Variants in WIZ observed in about 807,000 individuals in gnomAD.
WIZ encodes protein Wiz.
Under a neutral mutation model 140.2 loss-of-function variants are expected in WIZ, and 25 were observed. The ratio of observed to expected loss-of-function variants is 0.18; its 90% confidence interval spans 0.13 to 0.25. WIZ has a LOEUF of 0.25. Ranked by LOEUF, WIZ falls within the 10% of genes least tolerant of loss-of-function variation. The pLI, the probability that WIZ is intolerant of heterozygous loss-of-function variation, is 1.00. For synonymous variants in WIZ, 1,125 were observed against 1,154.3 expected (o/e 0.97, Z 0.51); for missense variants, 2,231 against 2,632.6 (o/e 0.85, Z 3.34).
chr19:15,439,162 C>G lies in WIZ; in HGVS notation c.1832G>C (p.Arg611Pro). ...CTCCTCCTCCTCTTCGCTCCAAGGGCGCCTCCGTTCCCCCAGCCCTTGTGG... is the reference window on the plus strand; with the variant it reads ...CTCCTCCTCCTCTTCGCTCCAAGGGGGCCTCCGTTCCCCCAGCCCTTGTGG... ...VHPQGLGERR[R>P]PWSEEEEEEE... The change falls in exon 4 of 13, where the codon CGC becomes CCC. Residue 611 changes from arginine to proline, a missense_variant. Physicochemically the swap from Arg to Pro is moderately radical, Grantham distance 103. This residue lies in a region of WIZ where 475 missense variants were observed against 520.2 expected (regional missense o/e 0.91). Coordinates refer to ENST00000673675, the MANE Select transcript of WIZ (RefSeq NM_001371589.1). This position sits in a 1 kb window ranked among gnomAD's most constrained non-coding sequence, Gnocchi z 7.0. 1 of 1,530,828 alleles carries G rather than the reference C, an allele frequency of 6.5e-7. No homozygotes were observed. The highest frequency in any genetic ancestry group is 8.7e-7 in the Non-Finnish European group (1 of 1,143,772). The allele number at this position is 1,530,828 out of a possible 1,614,324, so 94.8% of individuals were successfully genotyped here. A position where few individuals can be genotyped will look rare whatever the true frequency, so the allele number is the denominator to read the frequency against.
Position 15,420,012 on chromosome 19 carries a change from CTTTT to C in WIZ, c.*3060_*3063del, listed in dbSNP as rs1968311577. The C allele has an allele frequency of 6.6e-6, 1 of 152,004 alleles. No individual in the cohort carries two copies. The highest frequency in any genetic ancestry group is 2.4e-5 in the African/African-American group (1 of 41,398). The allele number at this position is 152,004 out of a possible 1,614,324, so 9.4% of individuals were successfully genotyped here. A position where few individuals can be genotyped will look rare whatever the true frequency, so the allele number is the denominator to read the frequency against. On this transcript the variant is annotated 3_prime_UTR_variant, in exon 13 of 13. Transcript: ENST00000673675. ...AAACTTTTTTTAAGGTATGCTGTTT[CTTTT>C]TGATATTGTTGATTTCTTTAGGTGT... is the stretch of plus-strand genomic sequence containing the variant.
rs908824857 is a variant in WIZ, at chr19:15,428,305, C to T, written c.3619G>A (p.Gly1207Ser). The change falls in exon 8 of 13, where the codon GGC becomes AGC. Residue 1207 changes from glycine (G) to serine (S), a missense_variant. By Grantham distance (56) the Gly-to-Ser change is moderately conservative. Transcript: ENST00000673675. The surrounding 1 kb of genome is among the most constrained non-coding windows in gnomAD (Gnocchi z 6.4). ...GGCCGCCCCGGGTGGGCCAGGGCGCCGCGCCTGGGTGGGAGGCGGATCTGG... is the reference window on the plus strand; with the variant it reads ...GGCCGCCCCGGGTGGGCCAGGGCGCTGCGCCTGGGTGGGAGGCGGATCTGG... Reference protein sequence around the residue: ...GVQIRLPPRRGALAHPGRPPP... With the variant: ...GVQIRLPPRRSALAHPGRPPP... 15 of 1,531,952 alleles carry T rather than the reference C, an allele frequency of 9.8e-6. No individual in the cohort carries two copies. Among genetic ancestry groups the T allele is most frequent in the Middle Eastern group, 1.8e-4 (1 of 5,440 alleles). The allele number at this position is 1,531,952 out of a possible 1,614,324, so 94.9% of individuals were successfully genotyped here.
intron 9 of WIZ, among the ~76,000 whole-genome samples, chr19:15,426,177 G>A (rs760084096): frequency 6.6e-6 from 1 of 151,984 alleles, no homozygotes; most frequent in Non-Finnish European, 1.5e-5. Flanking sequence ...GCAAAATGGA[G>A]ATGAAAACCC....
At chr19:15,425,132 G>A in intron 10 of WIZ, 100 bp from the exon 11 acceptor site, 1 of 1,520,186 alleles carries the variant, frequency 6.6e-7, no homozygotes, top group Non-Finnish European at 8.8e-7. Context: ...CTCCCACACA[G>A]ACCCAGCCAT....
chr19:15,447,980 C>G, intron 2 of WIZ, 123 bp downstream of exon 2: 1 of 1,143,534 alleles, frequency 8.7e-7, no homozygotes, highest in East Asian at 2.4e-5. Flanking sequence ...AAAGAAAAGG[C>G]TCTGGACCCA....
At position 15,424,132 on chromosome 19, in the gene WIZ, T is replaced by C. The variant is rs1319230712; in HGVS notation, c.5510+51A>G. ...CCCTATCCTGTTCCAAGGCTCCGGG[T>C]GACCAAGGTCCACTCAGGTGGTCTC... is the stretch of plus-strand genomic sequence containing the variant. On this transcript the variant is annotated intron_variant, in intron 12 of 12. Transcript: ENST00000673675. The surrounding 1 kb of genome is among the most constrained non-coding windows in gnomAD (Gnocchi z 9.7). 1 of 1,426,024 alleles carries C rather than the reference T, an allele frequency of 7.0e-7. No individual in the cohort carries two copies. The highest frequency in any genetic ancestry group is 1.5e-5 in the African/African-American group (1 of 67,678). The allele number at this position is 1,426,024 out of a possible 1,614,324, so 88.3% of individuals were successfully genotyped here. A position where few individuals can be genotyped will look rare whatever the true frequency, so the allele number is the denominator to read the frequency against.
chr19:15,442,184 CA>C lies in WIZ; in HGVS notation c.278+491del, dbSNP rs34791443. ...CCTGGGCGATAGAGTGAGACTTTCT[CA>C]AAAAAAAAAAAAAAAGATGACTATG... is the stretch of plus-strand genomic sequence containing the variant. On this transcript the variant is annotated intron_variant, in intron 3 of 12. Transcript: ENST00000673675. This position sits in a 1 kb window ranked among gnomAD's most constrained non-coding sequence, Gnocchi z 5.5. Among the ~76,000 whole-genome samples, 78,017 of 134,542 alleles carry C rather than the reference CA, an allele frequency of 0.58. 21,140 individuals are homozygous for C. Among genetic ancestry groups the C allele is most frequent in the African/African-American group, 0.65 (23,793 of 36,776 alleles). The allele number at this position is 134,542 out of a possible 152,430, so 88.3% of individuals were successfully genotyped here.
At chr19:15,438,548 C>A in intron 4 of WIZ, 30 bp downstream of exon 4, 1 of 1,473,754 alleles carries the variant, frequency 6.8e-7, no homozygotes, top group Non-Finnish European at 9.0e-7. Context: ...CCATGTGTCT[C>A]CTGGGCCTTT....
chr19:15,428,925 G>A lies in WIZ; in HGVS notation c.3416-417C>T, dbSNP rs1969038143. ...TCAAGGGAACATAAGGTGCCAAATG[G>A]GGGGCTCCATTGGGCAGGGGGTGAG... On this transcript the variant is annotated intron_variant, in intron 7 of 12. Coordinates refer to ENST00000673675, the MANE Select transcript of WIZ (RefSeq NM_001371589.1). The surrounding 1 kb of genome is among the most constrained non-coding windows in gnomAD (Gnocchi z 6.4). Among the ~76,000 whole-genome samples, 1 of 152,172 alleles carries A rather than the reference G, an allele frequency of 6.6e-6. No homozygotes were observed. The highest frequency in any genetic ancestry group is 6.5e-5 in the Admixed American group (1 of 15,282).
chr19:15,422,991 A>G lies in WIZ; in HGVS notation c.*85T>C. On this transcript the variant is annotated 3_prime_UTR_variant, in exon 13 of 13. Coordinates refer to ENST00000673675, the MANE Select transcript of WIZ (RefSeq NM_001371589.1). ...TTTGGCTTGCTCCTTTGGAAACGGA[A>G]AGAAAGAGGAAGAGGGACAAGGACA... The G allele has an allele frequency of 6.5e-7, 1 of 1,533,880 alleles. No homozygotes were observed. Among genetic ancestry groups the G allele is most frequent in the Non-Finnish European group, 8.8e-7 (1 of 1,140,928 alleles).
In WIZ at chr19:15,439,404, C is replaced by T. The variant is rs115463596; in HGVS notation, c.1590G>A (p.Pro530=). 1,382 of 1,527,726 alleles carry T rather than the reference C, an allele frequency of 9.0e-4. 13 individuals carry two copies. In the African/African-American group the frequency reaches 0.017, roughly 19 times the overall value. 94.6% of individuals were successfully genotyped at this position (1,527,726 alleles called of 1,614,324 possible). A position where few individuals can be genotyped will look rare whatever the true frequency, so the allele number is the denominator to read the frequency against. ...TAVDYFGKAE[P]SLAPMWRENP... is the part of the protein sequence containing the mutation. ...TCTCCCGCCACATGGGGGCCAAGGA[C>T]GGCTCAGCTTTGCCAAAGTAGTCCA... The change falls in exon 4 of 13, where the codon CCG becomes CCA. Residue 530 remains proline (P), a synonymous_variant. Coordinates refer to ENST00000673675, the MANE Select transcript of WIZ (RefSeq NM_001371589.1). The surrounding 1 kb of genome is among the most constrained non-coding windows in gnomAD (Gnocchi z 7.0).
chr19:15,438,703 A>C lies in WIZ; in HGVS notation c.2291T>G (p.Leu764Trp). The C allele has an allele frequency of 6.5e-7, 1 of 1,536,186 alleles. No individual in the cohort carries two copies. The highest frequency in any genetic ancestry group is 8.7e-7 in the Non-Finnish European group (1 of 1,146,898). Residue 764 changes from leucine (L) to tryptophan (W), a missense_variant, in exon 4 of 13, where the codon TTG becomes TGG. Transcript: ENST00000673675. ...CAGGTGGCCCCGGACGTGGTTGGCC[A>C]AGCCGATGCCGTTGTGGAAGCGATC... ...CPDRFHNGIG[L>W]ANHVRGHLNR...
chr19:15,432,035 T>C (rs762790350), intron 5 of WIZ, among the ~76,000 whole-genome samples: 1 of 152,012 alleles, frequency 6.6e-6, no homozygotes, highest in African/African-American at 2.4e-5. Flanking sequence ...CTATGCTCAG[T>C]TTGAGTCTCG....
At position 15,448,142 on chromosome 19, in the gene WIZ, C is replaced by T. The variant is rs766968187; in HGVS notation, c.166G>A (p.Gly56Ser). 1 of 1,612,852 alleles carries T rather than the reference C, an allele frequency of 6.2e-7. No individual in the cohort carries two copies. Among genetic ancestry groups the T allele is most frequent in the South Asian group, 1.1e-5 (1 of 91,052 alleles). ...STRYLPVTKE[G>S]PRDILDGRGG... ...CTGCCATCCAGAATGTCTCGGGGGC[C>T]CTCCTTGGTGACAGGCAGGTAACGG... The change falls in exon 2 of 13, where the codon GGC (glycine) becomes AGC (serine). Residue 56 changes from glycine to serine, a missense_variant. By Grantham distance (56) the Gly-to-Ser change is moderately conservative. Around this residue, in one of 15 missense-constraint regions of WIZ, gnomAD observed 85 missense variants for 90.9 expected, o/e 0.94. Coordinates refer to ENST00000673675, the MANE Select transcript of WIZ (RefSeq NM_001371589.1).
intron 4 of WIZ, 104 bp from the exon 5 acceptor site, chr19:15,437,233 G>A (rs994101845): frequency 9.6e-6 from 11 of 1,146,674 alleles, no homozygotes; most frequent in African/African-American, 8.1e-5. Context: ...TTTCTTCCCC[G>A]TGGCTGTCCC....
intron 4 of WIZ, 54 bp from the exon 5 acceptor site, chr19:15,437,183 C>G: frequency 1.4e-6 from 2 of 1,464,592 alleles, no homozygotes; most frequent in Non-Finnish European, 1.8e-6. Flanking sequence ...CTCCCCAGCC[C>G]CAACCCCTCC....
chr19:15,443,425 G>A (rs941427932), intron 2 of WIZ, among the ~76,000 whole-genome samples: 1 of 152,160 alleles, frequency 6.6e-6, no homozygotes, highest in African/African-American at 2.4e-5. Flanking sequence ...TCAGACCTCT[G>A]CTGGTCTCTC....
rs1248658935 is a variant in WIZ, at chr19:15,432,516, TGGTGGTGGCGGC to T, written c.2741-1346_2741-1335del. 5.5e-6 allele frequency: 3 copies of T among 540,888 alleles called. No individual in the cohort carries two copies. In the African/African-American group the frequency reaches 8.8e-5, roughly 16 times the overall value. The allele number at this position is 540,888 out of a possible 1,614,324, so 33.5% of individuals were successfully genotyped here. A position where few individuals can be genotyped will look rare whatever the true frequency, so the allele number is the denominator to read the frequency against. ...CCCGCGGCGGCGGTGGCGGTGGCGG[TGGTGGTGGCGGC>T]GGCGGCGGGGGTGGGGGCGGCGGCG... is the stretch of plus-strand genomic sequence containing the variant. On this transcript the variant is annotated intron_variant, in intron 5 of 12. Transcript: ENST00000673675.
chr19:15,429,483 C>CCCCCCCCCCCCCCCCGGG, intron 7 of WIZ, 103 bp downstream of exon 7: 1 of 927,830 alleles, frequency 1.1e-6, no homozygotes, highest in Non-Finnish European at 1.4e-6. Context: ...TAGTCCCCAC[C>CCCCCCCCCCCCCCCCGGG]GCCCCCACCC....
Sources: gnomAD v4.1 joint callset for allele counts (sites outside exome capture counted in the v4.1 genomes callset) on GRCh38, gnomAD v4.1.1 for gene constraint, gnomAD v4.1.1 regional missense constraint, Gnocchi (gnomAD v3.1) non-coding constraint, MANE v1.5 for transcripts, NCBI Gene and HGNC (gene_info 2026-07-23, HGNC 2026-07-21) for gene names.